OSBPL2: variants seen among roughly 807,000 people sequenced by gnomAD.
OSBPL2 encodes oxysterol-binding protein-related protein 2.
OSBPL2 carries 18 observed loss-of-function variants against 58.4 expected under a neutral mutation model. The observed-to-expected ratio is 0.31, with a 90% confidence interval of 0.21 to 0.46. The LOEUF (loss-of-function observed/expected upper bound fraction) is 0.46. OSBPL2 is among the 20% of genes least tolerant of loss of function. The pLI is 1.00. For missense variants in OSBPL2, 461 were observed against 616.5 expected, an observed-to-expected ratio of 0.75 and a Z score of 2.67; for synonymous variants, 221 against 234.1, an observed-to-expected ratio of 0.94 and a Z score of 0.51.
chr20:62,294,108 C>T lies in OSBPL2; in HGVS notation c.*221C>T, dbSNP rs576075883. ...TTCATAAAGCTTCACTTGGGATCAT[C>T]GTCTTCATTAAGGTTTCAACAGGGA... On this transcript the variant is annotated 3_prime_UTR_variant, in exon 14 of 14. Transcript: ENST00000313733. 2.2e-4 allele frequency: 136 copies of T among 616,786 alleles called. No individual in the cohort carries two copies. Among genetic ancestry groups the T allele is most frequent in the Admixed American group, 4.0e-4 (11 of 27,792 alleles). The allele number at this position is 616,786 out of a possible 1,614,324, so 38.2% of individuals were successfully genotyped here. A position where few individuals can be genotyped will look rare whatever the true frequency, so the allele number is the denominator to read the frequency against.
intron 1 of OSBPL2, among the ~76,000 whole-genome samples, chr20:62,252,435 T>C (rs1443076838): frequency 6.6e-6 from 1 of 152,180 alleles, no homozygotes; most frequent in East Asian, 1.9e-4. Context: ...TCGAACATGG[T>C]GTGCCCACGC....
chr20:62,290,222 T>C (rs1255608792), intron 12 of OSBPL2, among the ~76,000 whole-genome samples: 1 of 152,120 alleles, frequency 6.6e-6, no homozygotes, highest in African/African-American at 2.4e-5. Context: ...TCCTGGGTTT[T>C]GAGTTAGTAA....
At chr20:62,261,788 C>T (rs936597474) in intron 3 of OSBPL2, among the ~76,000 whole-genome samples, 9 of 152,126 alleles carry the variant, frequency 5.9e-5, no homozygotes, top group East Asian at 3.9e-4. Context: ...GTGTTTGAGA[C>T]GGAGTCTCAC....
intron 6 of OSBPL2, among the ~76,000 whole-genome samples, chr20:62,275,439 C>T (rs1216974755): frequency 6.6e-6 from 1 of 151,652 alleles, no homozygotes; most frequent in Non-Finnish European, 1.5e-5. Flanking sequence ...CACTCTGTCG[C>T]CCAGGCTGAA....
In OSBPL2 at chr20:62,294,505, T is replaced by G. The variant is rs1983735191; in HGVS notation, c.*618T>G. 1 of 153,130 alleles carries G rather than the reference T, an allele frequency of 6.5e-6. No homozygotes were observed. The highest frequency in any genetic ancestry group is 6.5e-5 in the Admixed American group (1 of 15,368). 9.5% of individuals were successfully genotyped at this position (153,130 alleles called of 1,614,324 possible). A position where few individuals can be genotyped will look rare whatever the true frequency, so the allele number is the denominator to read the frequency against. ...ATTTAAGTTAAAACTACTTGAATAG[T>G]ATTTTGCTGAAGAGCAAGATATGCA... is the stretch of plus-strand genomic sequence containing the variant. On this transcript the variant is annotated 3_prime_UTR_variant, in exon 14 of 14. Transcript: ENST00000313733.
chr20:62,245,391 C>T (rs1263112255), intron 1 of OSBPL2, among the ~76,000 whole-genome samples: 1 of 152,188 alleles, frequency 6.6e-6, no homozygotes, highest in African/African-American at 2.4e-5. Flanking sequence ...CCGCGCCCGG[C>T]CTGAAACCTG....
At chr20:62,252,541 C>A (rs1568828316) in intron 1 of OSBPL2, among the ~76,000 whole-genome samples, 2 of 152,194 alleles carry the variant, frequency 1.3e-5, no homozygotes, top group African/African-American at 2.4e-5. Context: ...GAGGCCAGCT[C>A]TGCTGGGCGA....
chr20:62,256,253 C>T (rs1425122173), intron 2 of OSBPL2, 32 bp downstream of exon 2: 1 of 1,601,170 alleles, frequency 6.2e-7, no homozygotes, highest in Non-Finnish European at 8.6e-7. Context: ...TGGGGACGTA[C>T]TGGAAGGGTG....
Position 62,293,026 on chromosome 20 carries a change from G to A in OSBPL2, c.1341-759G>A, listed in dbSNP as rs371531871. ...TGGGACTACAGGTGCCTGCCACCAC[G>A]CCTGGCTAATTTTTTTTTTTTGTAT... On this transcript the variant is annotated intron_variant, in intron 13 of 13. Transcript: ENST00000313733. Among the ~76,000 whole-genome samples, 51 of 151,780 alleles carry A rather than the reference G, an allele frequency of 3.4e-4. 1 individual carries two copies. In the East Asian group the frequency reaches 6.6e-3, roughly 20 times the overall value.
chr20:62,260,000 T>C lies in OSBPL2; in HGVS notation c.57T>C (p.Ser19=). 1 of 1,614,060 alleles carries C rather than the reference T, an allele frequency of 6.2e-7. No homozygotes were observed. Among genetic ancestry groups the C allele is most frequent in the Non-Finnish European group, 8.5e-7 (1 of 1,179,950 alleles). The change falls in exon 3 of 14, where the codon TCT becomes TCC. Residue 19 remains serine, a synonymous_variant. Transcript: ENST00000313733. ...GCACAGGCTTTGATTCTGATAACTCTTCTGGGGAATTTTCAGAGGCAAATC... is the reference window on the plus strand; with the variant it reads ...GCACAGGCTTTGATTCTGATAACTCCTCTGGGGAATTTTCAGAGGCAAATC... ...DAVTGFDSDN[S]SGEFSEANQK... is the part of the protein sequence containing the mutation.
intron 6 of OSBPL2, among the ~76,000 whole-genome samples, chr20:62,275,789 T>C (rs553309253): frequency 3.2e-4 from 48 of 152,256 alleles, no homozygotes; most frequent in African/African-American, 1.2e-3. Flanking sequence ...CTTTCTTTCA[T>C]AAAATAATGG....
chr20:62,278,982 A>T (rs1982601184), intron 6 of OSBPL2, 175 bp from the exon 7 acceptor site: 1 of 579,588 alleles, frequency 1.7e-6, no homozygotes. Context: ...TCTGTTGCCA[A>T]CGTTAGGCCA....
intron 2 of OSBPL2, among the ~76,000 whole-genome samples, chr20:62,259,427 C>T (rs574054460): frequency 7.9e-5 from 12 of 152,304 alleles, no homozygotes; most frequent in East Asian, 3.9e-4. Context: ...CCCCTTCATC[C>T]GGAGTCCACT....
chr20:62,266,207 G>C (rs1310075423), intron 4 of OSBPL2, among the ~76,000 whole-genome samples: 1 of 152,176 alleles, frequency 6.6e-6, no homozygotes, highest in Admixed American at 6.5e-5. Context: ...CTAGGTGAGG[G>C]TTGTGGAGAG....
chr20:62,262,827 A>G (rs1402183599), intron 3 of OSBPL2, among the ~76,000 whole-genome samples: 1 of 152,190 alleles, frequency 6.6e-6, no homozygotes, highest in African/African-American at 2.4e-5. Flanking sequence ...GGAGTTCAGC[A>G]GGAGAGCCCT....
chr20:62,280,975 C>A, intron 7 of OSBPL2, 83 bp from the exon 8 acceptor site: 2 of 1,089,614 alleles, frequency 1.8e-6, no homozygotes, highest in Non-Finnish European at 2.8e-6. Flanking sequence ...TGTGACCCAG[C>A]CCCGCCTGGT....
intron 6 of OSBPL2, among the ~76,000 whole-genome samples, chr20:62,276,377 G>GTT (rs1982389866): frequency 6.6e-6 from 1 of 152,236 alleles, no homozygotes; most frequent in Non-Finnish European, 1.5e-5. Context: ...AGGATGCGTT[G>GTT]TTAGTAGTAC....
chr20:62,290,411 G>GTTTTTTTTTTTT (rs3065795), intron 12 of OSBPL2, among the ~76,000 whole-genome samples: 3 of 76,376 alleles, frequency 3.9e-5, no homozygotes, highest in Admixed American at 2.1e-4. Context: ...AATTTTTTGG[G>GTTTTTTTTTTTT]TTTTTTTTTT....
intron 1 of OSBPL2, among the ~76,000 whole-genome samples, chr20:62,251,865 C>CTTTTTTTTTTTTTTTTTTTTTTTTTTT (rs147891445): frequency 4.8e-5 from 2 of 41,738 alleles, no homozygotes; most frequent in African/African-American, 2.2e-4. Context: ...ATTGGTATGC[C>CTTTTTTTTTTTTTTTTTTTTTTTTTTT]TTTTTTTTTT....
Sources: allele counts gnomAD v4.1 joint callset (sites outside exome capture counted in the v4.1 genomes callset), GRCh38; gene constraint gnomAD v4.1.1; transcripts MANE v1.5; gene names NCBI Gene and HGNC (gene_info 2026-07-23, HGNC 2026-07-21).